ALG1: variants seen among roughly 807,000 people sequenced by gnomAD.
The protein encoded by ALG1 is ALG1 chitobiosyldiphosphodolichol beta-mannosyltransferase, also known as chitobiosyldiphosphodolichol beta-mannosyltransferase.
In ALG1, 58 loss-of-function variants were observed where a neutral mutation model predicts 55.1. The observed-to-expected ratio is 1.05, with a 90% CI of 0.85 to 1.31. ALG1 has a LOEUF of 1.31. Ranked by LOEUF, ALG1 falls within the 50% of genes most tolerant of loss-of-function variation. The pLI is 0.00. For missense variants in ALG1, 761 were observed against 598.6 expected (o/e 1.27, Z -2.83); for synonymous variants, 309 against 247.0 (o/e 1.25, Z -2.35).
intron 9 of ALG1, among the ~76,000 whole-genome samples, chr16:5,080,511 G>T (rs1024648694): frequency 4.6e-5 from 7 of 152,246 alleles, no homozygotes; most frequent in African/African-American, 1.7e-4. Flanking sequence ...GTCTGGGCCA[G>T]CTGCTGGTCC....
At position 5,085,725 on chromosome 16, in the gene ALG1, G is replaced by A. The variant is rs761761355; in HGVS notation, c.*844G>A. 24 of 1,610,972 alleles carry A rather than the reference G, an allele frequency of 1.5e-5. No homozygotes were observed. The highest frequency in any genetic ancestry group is 9.9e-5 in the South Asian group (9 of 90,966). On this transcript the variant is annotated 3_prime_UTR_variant, in exon 13 of 13. Transcript: ENST00000262374. ...GAGGTTCCACTTCCCATCTGATCCC[G>A]GCCCGGCCTGGAAACAGAGCACATG...
chr16:5,079,362 C>G (rs559359693), intron 8 of ALG1, among the ~76,000 whole-genome samples: 5 of 152,204 alleles, frequency 3.3e-5, no homozygotes, highest in Non-Finnish European at 7.3e-5. Flanking sequence ...TCTTTCTCCA[C>G]CTGACCAGGT....
chr16:5,073,561 T>C (rs1004600264), intron 3 of ALG1: 1 of 437,312 alleles, frequency 2.3e-6, no homozygotes, highest in Non-Finnish European at 4.2e-6. Flanking sequence ...TTTCTTAAGG[T>C]TGTTCTCATT....
chr16:5,072,633 G>C (rs1956837354), intron 1 of ALG1, among the ~76,000 whole-genome samples: 1 of 152,078 alleles, frequency 6.6e-6, no homozygotes, highest in Admixed American at 6.5e-5. Flanking sequence ...GGGTAGAGTG[G>C]GACTTCCTAG....
At chr16:5,073,396 T>G (rs1298049465) in intron 3 of ALG1, 140 bp downstream of exon 3, 9 of 740,914 alleles carry the variant, frequency 1.2e-5, no homozygotes, top group Non-Finnish European at 2.1e-5. Flanking sequence ...GAGCCTATGG[T>G]ATGTGTCTAT....
rs1426019156 is a variant in ALG1, at chr16:5,085,680, A to C, written c.*799A>C. ...CCATCTCCAAGTGCTCTTCGTAGGG[A>C]AACAGTTTCTGCTCATGACGAGGTT... On this transcript the variant is annotated 3_prime_UTR_variant, in exon 13 of 13. Transcript: ENST00000262374. 3 of 1,611,740 alleles carry C rather than the reference A, an allele frequency of 1.9e-6. No individual in the cohort carries two copies. Among genetic ancestry groups the C allele is most frequent in the Non-Finnish European group, 2.5e-6 (3 of 1,179,788 alleles).
chr16:5,084,466 G>A (rs1957078428), intron 12 of ALG1: 10 of 575,530 alleles, frequency 1.7e-5, no homozygotes, highest in South Asian at 1.0e-4. Flanking sequence ...GCCAGAGGCC[G>A]AGAGGAGGGT....
chr16:5,084,398 A>T (rs375256093), intron 12 of ALG1: 20 of 460,402 alleles, frequency 4.3e-5, no homozygotes, highest in East Asian at 2.2e-4. Context: ...ACAGTTTAGC[A>T]AGGCTGCAAA....
rs149388535 is a variant in ALG1, at chr16:5,071,870, C to A, written c.21C>A (p.Val7=). The change falls in exon 1 of 13, where the codon GTC becomes GTA. Residue 7 remains valine, a synonymous_variant. Coordinates refer to ENST00000262374, the MANE Select transcript of ALG1 (RefSeq NM_019109.5). ...CCAAGATGGCGGCCTCATGCTTGGT[C>A]CTGCTGGCGCTGTGTCTGCTGCTGC... MAASCL[V]LLALCLLLPL... 10 of 1,604,880 alleles carry A rather than the reference C, an allele frequency of 6.2e-6. No individual in the cohort carries two copies. The East Asian group carries it at 6.7e-5, about 11-fold the overall frequency.
At chr16:5,082,038 G>T (rs1252991496) in intron 10 of ALG1, among the ~76,000 whole-genome samples, 7 of 151,896 alleles carry the variant, frequency 4.6e-5, no homozygotes, top group Admixed American at 4.6e-4. Context: ...GCCTTCCCGG[G>T]TTCAAGCGAT....
At chr16:5,077,632 C>A in intron 5 of ALG1, 98 bp downstream of exon 5, 1 of 1,299,310 alleles carries the variant, frequency 7.7e-7, no homozygotes, top group Non-Finnish European at 1.1e-6. Context: ...TGCTGAGGGG[C>A]AATTTGAAAT....
At chr16:5,077,793 A>G in intron 5 of ALG1, 114 bp from the exon 6 acceptor site, 5 of 1,187,714 alleles carry the variant, frequency 4.2e-6, no homozygotes, top group South Asian at 3.7e-5. Flanking sequence ...TCTTCTTGTC[A>G]TCATCTGAGA....
chr16:5,072,098 C>G, intron 1 of ALG1, 41 bp downstream of exon 1: 1 of 1,551,772 alleles, frequency 6.4e-7, no homozygotes, highest in Non-Finnish European at 8.7e-7. Flanking sequence ...GCTCTCTCAG[C>G]CGTTGATCCT....
intron 12 of ALG1, among the ~76,000 whole-genome samples, chr16:5,084,015 TG>T: frequency 6.6e-6 from 1 of 152,262 alleles, no homozygotes; most frequent in East Asian, 1.9e-4. Flanking sequence ...ATGCTGGAGC[TG>T]GGTGGGCCGG....
rs762024028 is a variant in ALG1, at chr16:5,083,746, G to T, written c.1252G>T (p.Ala418Ser). ...LVFEDSEELA[A>S]QLQMLFSNFP... Reference sequence around the variant, plus strand: ...CTTTGAGGACTCAGAGGAACTGGCAGCTCAGCTGCAGGTAGCCACGTCTGC... The same window carrying T: ...CTTTGAGGACTCAGAGGAACTGGCATCTCAGCTGCAGGTAGCCACGTCTGC... The change falls in exon 12 of 13, where the codon GCT (alanine) becomes TCT (serine). Residue 418 changes from alanine to serine, a missense_variant. By Grantham distance (99) the Ala-to-Ser change is moderately conservative (BLOSUM62 1). Coordinates refer to ENST00000262374, the MANE Select transcript of ALG1 (RefSeq NM_019109.5). The T allele has an allele frequency of 1.9e-6, 3 of 1,597,826 alleles. No homozygotes were observed. The East Asian group carries it at 6.7e-5, about 36-fold the overall frequency.
chr16:5,079,198 C>T (rs1956972327), intron 8 of ALG1, 96 bp downstream of exon 8: 2 of 1,496,504 alleles, frequency 1.3e-6, no homozygotes, highest in African/African-American at 1.4e-5. Flanking sequence ...TGTCCCAGGC[C>T]ACTGGGTGGG....
intron 4 of ALG1, among the ~76,000 whole-genome samples, chr16:5,075,893 T>C (rs1209545058): frequency 6.6e-6 from 1 of 152,210 alleles, no homozygotes; most frequent in Non-Finnish European, 1.5e-5. Flanking sequence ...CCCTTTCTGA[T>C]TGGCTCATGT....
intron 3 of ALG1, 106 bp from the exon 4 acceptor site, chr16:5,075,282 T>C: frequency 1.6e-6 from 2 of 1,220,470 alleles, no homozygotes; most frequent in South Asian, 2.4e-5. Context: ...TCAAGAGCTC[T>C]GTAAAGATAA....
rs112042401 is a variant in ALG1 at position 5,075,605 on chromosome 16, A to G, written c.539+69A>G. On this transcript the variant is annotated intron_variant, in intron 4 of 12. Transcript: ENST00000262374. The stretch of plus-strand genomic sequence containing the variant: ...TCAAGGATGAGTGAGAAGAAGGGCC[A>G]TAGTGGGCCTCCGGAAGTCGGTTCC... 2,576 of 1,596,612 alleles carry G rather than the reference A, an allele frequency of 1.6e-3. 39 individuals carry two copies. In the African/African-American group the frequency reaches 0.028, roughly 17 times the overall value.
Sources: gnomAD v4.1 joint callset for allele counts (sites outside exome capture counted in the v4.1 genomes callset) on GRCh38, gnomAD v4.1.1 for gene constraint, MANE v1.5 for transcripts, NCBI Gene and HGNC (gene_info 2026-07-23, HGNC 2026-07-21) for gene names.